RASAL2: variants seen among roughly 807,000 people sequenced by gnomAD.
The protein encoded by RASAL2 is ras GTPase-activating protein nGAP.
A neutral mutation model predicts 128.9 loss-of-function variants in RASAL2; 58 were observed. The ratio of observed to expected loss-of-function variants is 0.45; its 90% confidence interval spans 0.36 to 0.56. The LOEUF is 0.56. RASAL2 is among the 20% of genes least tolerant of loss of function. The pLI, the probability that RASAL2 is intolerant of heterozygous loss-of-function variation, is 0.00. For missense variants in RASAL2, 1,360 were observed against 1,601.6 expected (o/e 0.85, Z 2.57); for synonymous variants, 561 against 580.8 (o/e 0.97, Z 0.49).
intron 3 of RASAL2, among the ~76,000 whole-genome samples, chr1:178,383,259 G>A (rs1333253976): frequency 1.3e-5 from 2 of 152,112 alleles, no homozygotes; most frequent in Non-Finnish European, 2.9e-5. Flanking sequence ...GTGAAGTACT[G>A]CAGTCTGAGT....
At chr1:178,171,456 A>G (rs957134834) in intron 1 of RASAL2, among the ~76,000 whole-genome samples, 1 of 152,026 alleles carries the variant, frequency 6.6e-6, no homozygotes, top group Non-Finnish European at 1.5e-5. Flanking sequence ...TGGGAAATTC[A>G]TATTTTTGAA....
chr1:178,384,309 C>T (rs1255740848), intron 3 of RASAL2, among the ~76,000 whole-genome samples: 1 of 152,076 alleles, frequency 6.6e-6, no homozygotes, highest in Non-Finnish European at 1.5e-5. Flanking sequence ...TATAATTGTT[C>T]ACCAAATTAA....
chr1:178,419,887 C>G (rs2102745521), intron 4 of RASAL2, among the ~76,000 whole-genome samples: 1 of 152,274 alleles, frequency 6.6e-6, no homozygotes, highest in South Asian at 2.1e-4. Flanking sequence ...ATAGTTTATC[C>G]ACATTCAATA....
At chr1:178,292,903 G>T (rs1667344095) in intron 2 of RASAL2, among the ~76,000 whole-genome samples, 1 of 152,090 alleles carries the variant, frequency 6.6e-6, no homozygotes. Context: ...CTGGATTCTG[G>T]TGTATAGGCA....
intron 9 of RASAL2, among the ~76,000 whole-genome samples, chr1:178,450,614 T>C (rs923681265): frequency 6.6e-6 from 1 of 152,182 alleles, no homozygotes; most frequent in African/African-American, 2.4e-5. Context: ...TTGTTCACTT[T>C]CATGAAGTCT....
At chr1:178,151,806 T>C (rs1213355332) in intron 1 of RASAL2, among the ~76,000 whole-genome samples, 1 of 152,226 alleles carries the variant, frequency 6.6e-6, no homozygotes, top group Non-Finnish European at 1.5e-5. Context: ...ACTTCTGCCT[T>C]GATACTTGTG....
chr1:178,411,477 A>G (rs1419013168), intron 4 of RASAL2: 4 of 500,534 alleles, frequency 8.0e-6, no homozygotes, highest in South Asian at 2.0e-5. Context: ...GGGTGCCCCA[A>G]AATCTCACAA....
intron 5 of RASAL2, among the ~76,000 whole-genome samples, chr1:178,435,403 C>T (rs1290505163): frequency 6.6e-6 from 1 of 152,032 alleles, no homozygotes; most frequent in Non-Finnish European, 1.5e-5. Context: ...ACCAGTGTAT[C>T]TGCTGTTATG....
At chr1:178,356,116 C>T (rs1202372943) in intron 3 of RASAL2, among the ~76,000 whole-genome samples, 8 of 143,300 alleles carry the variant, frequency 5.6e-5, no homozygotes, top group Admixed American at 2.2e-4. Context: ...TGCAGTGAGC[C>T]GAGATTGTGC....
chr1:178,371,902 T>A (rs1159891330), intron 3 of RASAL2, among the ~76,000 whole-genome samples: 1 of 152,178 alleles, frequency 6.6e-6, no homozygotes, highest in Non-Finnish European at 1.5e-5. Context: ...TTCGTATGAT[T>A]TTTCCTGTCA....
chr1:178,399,491 T>TGACAC lies in RASAL2; in HGVS notation c.564+9287_564+9291dup, dbSNP rs563384034. ...GAAGCATCAGCCTCCCAGCATGGCA[T>TGACAC]GACACGCAGGTTTGGTGGCTGGCAT... On this transcript the variant is annotated intron_variant, in intron 4 of 17. Transcript: ENST00000367649. Among the ~76,000 whole-genome samples the TGACAC allele has an allele frequency of 5.5e-4, 84 of 152,216 alleles. 3 individuals carry two copies. In the East Asian group the frequency reaches 0.015, roughly 26 times the overall value.
At position 178,439,998 on chromosome 1, in the gene RASAL2, C is replaced by CATCCATCT. The variant is rs1553233924; in HGVS notation, c.828+430_828+431insTATCCATC. Among the ~76,000 whole-genome samples, 366 of 150,900 alleles carry CATCCATCT rather than the reference C, an allele frequency of 2.4e-3. 1 individual carries two copies. Among genetic ancestry groups the CATCCATCT allele is most frequent in the African/African-American group, 6.8e-3 (277 of 40,726 alleles). On this transcript the variant is annotated intron_variant, in intron 6 of 17. Coordinates refer to ENST00000367649, the MANE Select transcript of RASAL2 (RefSeq NM_170692.4). ...CCATCCATCCATCCATCCATCCATC[C>CATCCATCT]ATCCATCCATCCTAATTCCAGGACA...
chr1:178,223,637 G>A lies in RASAL2; in HGVS notation c.203-59927G>A, dbSNP rs115724246. Among the ~76,000 whole-genome samples the A allele has an allele frequency of 7.0e-3, 1,069 of 152,200 alleles. 12 individuals carry two copies. Among genetic ancestry groups the A allele is most frequent in the African/African-American group, 0.024 (1,011 of 41,548 alleles). ...GTTCCAGACAAGATGAGGTAAATTT[G>A]TATTTTGAAAAGATTATTCTGACTA... On this transcript the variant is annotated intron_variant, in intron 1 of 17. Transcript: ENST00000367649.
intron 1 of RASAL2, among the ~76,000 whole-genome samples, chr1:178,241,549 C>T (rs1664500067): frequency 1.3e-5 from 2 of 152,194 alleles, no homozygotes; most frequent in Non-Finnish European, 2.9e-5. Context: ...GAATCCTCCA[C>T]TGATCTGATA....
chr1:178,222,405 A>G (rs1663645670), intron 1 of RASAL2, among the ~76,000 whole-genome samples: 1 of 151,932 alleles, frequency 6.6e-6, no homozygotes, highest in Non-Finnish European at 1.5e-5. Context: ...CATGTCAGTT[A>G]TCTTTTTTTA....
chr1:178,427,468 T>G (rs1273509976), intron 5 of RASAL2, among the ~76,000 whole-genome samples: 1 of 152,202 alleles, frequency 6.6e-6, no homozygotes, highest in Non-Finnish European at 1.5e-5. Flanking sequence ...TGGTTTTAAG[T>G]AGTCTACTTT....
intron 5 of RASAL2, among the ~76,000 whole-genome samples, chr1:178,423,637 G>A (rs1254894376): frequency 1.3e-5 from 2 of 152,132 alleles, no homozygotes; most frequent in African/African-American, 4.8e-5. Flanking sequence ...AGAGAACTGA[G>A]GTTCAAACCC....
chr1:178,292,352 C>G (rs1037120441), intron 2 of RASAL2, among the ~76,000 whole-genome samples: 17 of 152,170 alleles, frequency 1.1e-4, no homozygotes, highest in African/African-American at 4.1e-4. Flanking sequence ...TTTCTCTTAA[C>G]TCTACATGTT....
At position 178,470,532 on chromosome 1, in the gene RASAL2, A is replaced by C. The variant is rs527423043; in HGVS notation, c.3679-2543A>C. 2.6e-5 allele frequency among the ~76,000 whole-genome samples: 4 copies of C among 152,214 alleles called. No homozygotes were observed. The East Asian group carries it at 7.7e-4, about 29-fold the overall frequency. On this transcript the variant is annotated intron_variant, in intron 17 of 17. Coordinates refer to ENST00000367649, the MANE Select transcript of RASAL2 (RefSeq NM_170692.4). Reference sequence around the variant, plus strand: ...CCATTTCTTAAATATCAGACCAGAGAATGTGCCACCTTTCACCCCTGAGCA... The same window carrying C: ...CCATTTCTTAAATATCAGACCAGAGCATGTGCCACCTTTCACCCCTGAGCA...
Sources: allele counts gnomAD v4.1 joint callset (sites outside exome capture counted in the v4.1 genomes callset), GRCh38; gene constraint gnomAD v4.1.1; transcripts MANE v1.5; gene names NCBI Gene and HGNC (gene_info 2026-07-23, HGNC 2026-07-21).